MICALL1: variants seen among roughly 807,000 people sequenced by gnomAD.
MICALL1 encodes MICAL-like protein 1.
MICALL1 carries 61 observed loss-of-function variants against 83.7 expected under a neutral mutation model. That is an observed-to-expected ratio of 0.73 (90% CI 0.59 to 0.90). The LOEUF (loss-of-function observed/expected upper bound fraction) is 0.90, where lower values mean the gene tolerates loss of function less well. Among genes scored for constraint, MICALL1 ranks in the 40% least tolerant of loss-of-function variants. The pLI is 0.00. For missense variants in MICALL1, 1,066 were observed against 1,152.0 expected (o/e 0.93, Z 1.08); for synonymous variants, 481 against 473.6 (o/e 1.02, Z -0.20).
chr22:37,926,188 C>T, intron 8 of MICALL1, 145 bp downstream of exon 8: 1 of 1,076,122 alleles, frequency 9.3e-7, no homozygotes, highest in Non-Finnish European at 1.3e-6. Flanking sequence ...TAGAGCAAAC[C>T]TGTGAGTAGG....
In MICALL1 at chr22:37,930,445, A is replaced by G. The variant is rs1022460696; in HGVS notation, c.1882-1354A>G. ...CTCCCTGCTTCAGAAACCCCAGAGC[A>G]GCTCCCACCCCGAGAGCCTCTCTCC... On this transcript the variant is annotated intron_variant, in intron 9 of 15. Coordinates refer to ENST00000215957, the MANE Select transcript of MICALL1 (RefSeq NM_033386.4). The surrounding 1 kb of genome is among the most constrained non-coding windows in gnomAD (Gnocchi z 4.8). Among the ~76,000 whole-genome samples, 3 of 152,098 alleles carry G rather than the reference A, an allele frequency of 2.0e-5. No homozygotes were observed. The highest frequency in any genetic ancestry group is 7.2e-5 in the African/African-American group (3 of 41,424).
At chr22:37,908,212 G>A (rs184823243) in intron 1 of MICALL1, among the ~76,000 whole-genome samples, 52 of 152,174 alleles carry the variant, frequency 3.4e-4, no homozygotes, top group Admixed American at 7.2e-4. Context: ...ATGTGACACA[G>A]CTCACAGAAA....
intron 14 of MICALL1, 35 bp from the exon 15 acceptor site, chr22:37,937,710 CA>C (rs772564198): frequency 2.5e-6 from 4 of 1,609,390 alleles, no homozygotes; most frequent in Non-Finnish European, 3.4e-6. Flanking sequence ...AGGTGTGAGC[CA>C]CCACGCCCAG....
At chr22:37,934,628 A>G (rs375052053) in intron 13 of MICALL1, among the ~76,000 whole-genome samples, 21 of 149,464 alleles carry the variant, frequency 1.4e-4, no homozygotes, top group East Asian at 7.9e-4. Flanking sequence ...ACAGAGTCTC[A>G]CTCTGTCGCC....
chr22:37,921,097 G>T (rs1469869129), intron 5 of MICALL1, among the ~76,000 whole-genome samples: 1 of 151,998 alleles, frequency 6.6e-6, no homozygotes, highest in East Asian at 1.9e-4. Flanking sequence ...AAAATAAAAA[G>T]AAACTTTTTA....
intron 13 of MICALL1, among the ~76,000 whole-genome samples, chr22:37,933,624 A>T (rs993209222): frequency 3.3e-5 from 5 of 152,142 alleles, no homozygotes; most frequent in African/African-American, 1.2e-4. Flanking sequence ...GATGGTTACC[A>T]TGTGGCCGAG....
Position 37,930,959 on chromosome 22 carries a change from C to T in MICALL1, c.1882-840C>T, listed in dbSNP as rs1162232491. ...ACCATAGCTCTGTCTTGCCTTAAAC[C>T]CAATGCCATTCTGTGCTTCTAGGGA... On this transcript the variant is annotated intron_variant, in intron 9 of 15. Transcript: ENST00000215957. This position sits in a 1 kb window ranked among gnomAD's most constrained non-coding sequence, Gnocchi z 4.8. Among the ~76,000 whole-genome samples the T allele has an allele frequency of 6.6e-6, 1 of 152,154 alleles. No homozygotes were observed. Among genetic ancestry groups the T allele is most frequent in the Non-Finnish European group, 1.5e-5 (1 of 68,036 alleles).
At position 37,936,933 on chromosome 22, in the gene MICALL1, A is replaced by G. The variant is rs1266113971; in HGVS notation, c.2309-147A>G. On this transcript the variant is annotated intron_variant, in intron 13 of 15. Transcript: ENST00000215957. Reference sequence around the variant, plus strand: ...AAAAAAGAACTTGTAAGCCCCACCTATCGGGGCCCTTCCTTTCTGCGCTTA... The same window carrying G: ...AAAAAAGAACTTGTAAGCCCCACCTGTCGGGGCCCTTCCTTTCTGCGCTTA... The G allele has an allele frequency of 1.3e-5, 8 of 614,660 alleles. No individual in the cohort carries two copies. In the East Asian group the frequency reaches 2.0e-4, roughly 16 times the overall value. The allele number at this position is 614,660 out of a possible 1,614,324, so 38.1% of individuals were successfully genotyped here. A position where few individuals can be genotyped will look rare whatever the true frequency, so the allele number is the denominator to read the frequency against.
In MICALL1 at chr22:37,937,739, A is replaced by G; in HGVS notation, c.2424-7A>G. On this transcript the variant is annotated splice_polypyrimidine_tract_variant and splice_region_variant and intron_variant, in intron 14 of 15. Transcript: ENST00000215957. ...ACGCCCAGCTTAACTGCTGCTGCTTATTTCAGGGAGGAAGAGGAAGACAAG... is the reference window on the plus strand; with the variant it reads ...ACGCCCAGCTTAACTGCTGCTGCTTGTTTCAGGGAGGAAGAGGAAGACAAG... The G allele has an allele frequency of 6.2e-7, 1 of 1,613,134 alleles. No homozygotes were observed. The highest frequency in any genetic ancestry group is 8.5e-7 in the Non-Finnish European group (1 of 1,179,422).
chr22:37,931,710 C>T (rs776013299), intron 9 of MICALL1, 89 bp from the exon 10 acceptor site: 2 of 1,542,904 alleles, frequency 1.3e-6, no homozygotes, highest in South Asian at 1.2e-5. Flanking sequence ...GAGTGCTGGC[C>T]TGCTTTCCAT....
chr22:37,925,501 A>C (rs575614235), intron 7 of MICALL1, among the ~76,000 whole-genome samples, 160 bp from the exon 8 acceptor site: 1 of 152,120 alleles, frequency 6.6e-6, no homozygotes, highest in Non-Finnish European at 1.5e-5. Flanking sequence ...TGTGACTGTA[A>C]CATTCCATTT....
chr22:37,933,233 A>T, intron 13 of MICALL1, 121 bp downstream of exon 13: 1 of 1,023,842 alleles, frequency 9.8e-7, no homozygotes, highest in East Asian at 2.5e-5. Flanking sequence ...ACAGGGCCAG[A>T]GGAGGAGGTG....
intron 1 of MICALL1, among the ~76,000 whole-genome samples, chr22:37,908,777 T>C (rs1928129894): frequency 6.6e-6 from 1 of 152,162 alleles, no homozygotes; most frequent in Non-Finnish European, 1.5e-5. Flanking sequence ...CCATGTACCC[T>C]ATCAGAGGGC....
In MICALL1 at chr22:37,937,072, C is replaced by T; in HGVS notation, c.2309-8C>T. 1.3e-6 allele frequency: 2 copies of T among 1,551,122 alleles called. No individual in the cohort carries two copies. Among genetic ancestry groups the T allele is most frequent in the African/African-American group, 1.4e-5 (1 of 73,138 alleles). On this transcript the variant is annotated splice_region_variant and splice_polypyrimidine_tract_variant and intron_variant, in intron 13 of 15. Coordinates refer to ENST00000215957, the MANE Select transcript of MICALL1 (RefSeq NM_033386.4). Reference sequence around the variant, plus strand: ...CACTCATGCCCCCTAACTTTTCTCCCTGGGCAGAAAAGGACTGGACGGAGG... The same window carrying T: ...CACTCATGCCCCCTAACTTTTCTCCTTGGGCAGAAAAGGACTGGACGGAGG...
At position 37,937,746 on chromosome 22, in the gene MICALL1, G is replaced by A; in HGVS notation, c.2424G>A (p.Arg808=). Residue 808 remains arginine, a splice_region_variant and synonymous_variant, in exon 15 of 16, where the codon AGG becomes AGA. Coordinates refer to ENST00000215957, the MANE Select transcript of MICALL1 (RefSeq NM_033386.4). ...IINCLDEDRQ[R]EEEEDKMLEA... The stretch of plus-strand genomic sequence containing the variant: ...GCTTAACTGCTGCTGCTTATTTCAG[G>A]GAGGAAGAGGAAGACAAGATGTTGG... 2 of 1,613,422 alleles carry A rather than the reference G, an allele frequency of 1.2e-6. No homozygotes were observed. Among genetic ancestry groups the A allele is most frequent in the Non-Finnish European group, 1.7e-6 (2 of 1,179,590 alleles).
chr22:37,919,656 G>T (rs1171694813), intron 5 of MICALL1, among the ~76,000 whole-genome samples: 1 of 119,890 alleles, frequency 8.3e-6, no homozygotes, highest in Non-Finnish European at 1.8e-5. Flanking sequence ...AAAAAAAAAA[G>T]GCCATTGAAA....
chr22:37,918,219 G>A (rs1928799336), intron 4 of MICALL1, among the ~76,000 whole-genome samples: 1 of 152,208 alleles, frequency 6.6e-6, no homozygotes, highest in Non-Finnish European at 1.5e-5. Context: ...CAACAACCCA[G>A]GGAGGTCAGC....
At chr22:37,907,898 C>G (rs535790760) in intron 1 of MICALL1, among the ~76,000 whole-genome samples, 5 of 152,126 alleles carry the variant, frequency 3.3e-5, no homozygotes, top group African/African-American at 1.2e-4. Flanking sequence ...TGCCCAGGAG[C>G]AGGGGGTAGA....
At chr22:37,918,133 G>C (rs374694538) in intron 4 of MICALL1, among the ~76,000 whole-genome samples, 5 of 152,220 alleles carry the variant, frequency 3.3e-5, no homozygotes, top group Non-Finnish European at 7.3e-5. Flanking sequence ...AGTTACACAC[G>C]TAGTAAAGCA....
Sources: allele counts gnomAD v4.1 joint callset (sites outside exome capture counted in the v4.1 genomes callset), GRCh38; gene constraint gnomAD v4.1.1; non-coding constraint Gnocchi (gnomAD v3.1); transcripts MANE v1.5; gene names NCBI Gene and HGNC (gene_info 2026-07-23, HGNC 2026-07-21).